Variants in CHM observed in about 807,000 individuals in gnomAD.
CHM encodes the protein CHM Rab escort protein, also known as rab proteins geranylgeranyltransferase component A 1.
CHM carries 10 observed loss-of-function variants against 49.0 expected under a neutral mutation model. The ratio of observed to expected loss-of-function variants is 0.20; its 90% CI spans 0.13 to 0.35. The LOEUF (loss-of-function observed/expected upper bound fraction) is 0.35. Among genes scored for constraint, CHM ranks in the 10% least tolerant of loss-of-function variants. CHM has a pLI of 1.00. For missense variants in CHM, 455 were observed against 478.4 expected, an observed-to-expected ratio of 0.95 and a Z score of 0.46; for synonymous variants, 184 against 167.5, an observed-to-expected ratio of 1.10 and a Z score of -0.76.
In CHM at chrX:85,939,302, C is replaced by T. The variant is rs767533075; in HGVS notation, c.1166+16851G>A. Among the ~76,000 whole-genome samples, 23 of 112,207 alleles carry T rather than the reference C, an allele frequency of 2.0e-4. No homozygotes were observed. The South Asian group carries it at 3.3e-3, about 16-fold the overall frequency. On this transcript the variant is annotated intron_variant, in intron 8 of 14. Transcript: ENST00000357749. Reference sequence around the variant, plus strand: ...ACTAAAAAATGTAGAAGAAAATACACCAAAATATTCAGTGTGCTATTGTTA... The same window carrying T: ...ACTAAAAAATGTAGAAGAAAATACATCAAAATATTCAGTGTGCTATTGTTA...
intron 8 of CHM, among the ~76,000 whole-genome samples, chrX:85,924,213 C>A (rs568734212): frequency 1.8e-5 from 2 of 110,845 alleles, no homozygotes; most frequent in South Asian, 7.8e-4. Context: ...AGAGGGGAGG[C>A]CAGTTATGTC....
intron 2 of CHM, among the ~76,000 whole-genome samples, chrX:85,993,033 T>C (rs752294485): frequency 8.9e-6 from 1 of 111,783 alleles, no homozygotes; most frequent in Non-Finnish European, 1.9e-5. Flanking sequence ...ATCTCATCTG[T>C]TTTCACTGAT....
chrX:86,009,071 C>T (rs1414703995), intron 2 of CHM, among the ~76,000 whole-genome samples: 1 of 112,116 alleles, frequency 8.9e-6, no homozygotes, highest in Non-Finnish European at 1.9e-5. Context: ...TTCAACACTA[C>T]CCTATTACCA....
chrX:86,027,092 G>T (rs1215469283), intron 2 of CHM: 2 of 116,839 alleles, frequency 1.7e-5, no homozygotes, highest in Non-Finnish European at 3.5e-5. Flanking sequence ...AAATCTATTG[G>T]CTGACTTTTA....
chrX:86,035,786 C>CT (rs1569261506), intron 1 of CHM, among the ~76,000 whole-genome samples: 2 of 99,223 alleles, frequency 2.0e-5, no homozygotes, highest in African/African-American at 7.4e-5. Context: ...GAAAAGAGTT[C>CT]ATTTTTTTTT....
intron 8 of CHM, among the ~76,000 whole-genome samples, chrX:85,951,915 G>A (rs1028608474): frequency 3.6e-5 from 4 of 112,078 alleles, no homozygotes; most frequent in Non-Finnish European, 5.6e-5. Flanking sequence ...TTGAGGGAGT[G>A]AGAGCATAGC....
At position 85,992,756 on chromosome X, in the gene CHM, C is replaced by T. The variant is rs112121732; in HGVS notation, c.117-10947G>A. 2.9e-3 allele frequency among the ~76,000 whole-genome samples: 329 copies of T among 112,089 alleles called. 1 individual carries two copies. Among genetic ancestry groups the T allele is most frequent in the African/African-American group, 9.8e-3 (302 of 30,937 alleles). ...GCAAAAAGTGTATATATATTTCTCA[C>T]GTACAACATGTTGTTTTGAAATGTT... On this transcript the variant is annotated intron_variant, in intron 2 of 14. Transcript: ENST00000357749.
intron 8 of CHM, among the ~76,000 whole-genome samples, chrX:85,932,452 C>A (rs769521680): frequency 1.8e-5 from 2 of 112,193 alleles, no homozygotes; most frequent in Non-Finnish European, 3.8e-5. Flanking sequence ...AGCAATATTT[C>A]TTTTCTCATA....
chrX:85,992,096 AT>A (rs1211698202), intron 2 of CHM, among the ~76,000 whole-genome samples: 1 of 111,915 alleles, frequency 8.9e-6, no homozygotes, highest in East Asian at 2.8e-4. Flanking sequence ...CAAGATTAGA[AT>A]ATTTAAATTA....
chrX:85,876,694 G>A (rs777283754), intron 13 of CHM, among the ~76,000 whole-genome samples: 7 of 111,511 alleles, frequency 6.3e-5, no homozygotes, highest in African/African-American at 2.3e-4. Context: ...GTGAAAACTA[G>A]CTTTTCAGTG....
At chrX:85,873,450 G>C (rs1189782877) in intron 13 of CHM, among the ~76,000 whole-genome samples, 2 of 111,369 alleles carry the variant, frequency 1.8e-5, no homozygotes, top group Non-Finnish European at 3.8e-5. Flanking sequence ...AGTATCAAAG[G>C]GTTTATGATC....
intron 2 of CHM, among the ~76,000 whole-genome samples, chrX:86,024,134 G>A (rs73240398): frequency 0.013 from 1,479 of 111,994 alleles, 7 homozygotes; most frequent in Non-Finnish European, 0.018. Flanking sequence ...GCCAGGCTGA[G>A]GGGTAGAGAC....
intron 8 of CHM, among the ~76,000 whole-genome samples, chrX:85,948,467 T>C (rs936255962): frequency 8.9e-6 from 1 of 112,010 alleles, no homozygotes; most frequent in African/African-American, 3.2e-5. Context: ...AACATAAATA[T>C]GTTTCATTTT....
chrX:86,038,994 C>T (rs1198603429), intron 1 of CHM, among the ~76,000 whole-genome samples: 2 of 112,377 alleles, frequency 1.8e-5, no homozygotes, highest in African/African-American at 3.2e-5. Context: ...GAAAAACTTT[C>T]GTCTTAACTG....
intron 12 of CHM, among the ~76,000 whole-genome samples, chrX:85,890,591 CCTT>C (rs1390143814): frequency 8.9e-6 from 1 of 111,959 alleles, no homozygotes; most frequent in Non-Finnish European, 1.9e-5. Context: ...TGATTTTTCT[CCTT>C]CTGCTGCCAC....
chrX:85,971,201 T>C (rs1930880124), intron 4 of CHM: 1 of 755,107 alleles, frequency 1.3e-6, no homozygotes, highest in Non-Finnish European at 1.6e-6. Flanking sequence ...CTAATCCATT[T>C]GAATTCTCGC....
intron 8 of CHM, among the ~76,000 whole-genome samples, chrX:85,945,847 A>G (rs1929377837): frequency 8.9e-6 from 1 of 111,854 alleles, no homozygotes; most frequent in African/African-American, 3.2e-5. Context: ...GCTCTGATCA[A>G]AATGCTGACA....
intron 14 of CHM, among the ~76,000 whole-genome samples, chrX:85,866,897 G>A (rs935466264): frequency 7.1e-5 from 8 of 113,007 alleles, no homozygotes; most frequent in Non-Finnish European, 1.3e-4. Flanking sequence ...ATACCCCATC[G>A]TATCTTGGAA....
intron 2 of CHM, among the ~76,000 whole-genome samples, chrX:85,992,384 T>C (rs138558825): frequency 1.0e-3 from 114 of 111,955 alleles, no homozygotes; most frequent in Non-Finnish European, 1.6e-3. Context: ...AATAATAGTC[T>C]GGCATGTCTA....
Sources: gnomAD v4.1 joint callset for allele counts (sites outside exome capture counted in the v4.1 genomes callset) on GRCh38, gnomAD v4.1.1 for gene constraint, MANE v1.5 for transcripts, NCBI Gene and HGNC (gene_info 2026-07-23, HGNC 2026-07-21) for gene names.